Variants in MBOAT2 observed in about 807,000 individuals in gnomAD.
MBOAT2 encodes the protein membrane bound glycerophospholipid O-acyltransferase 2.
Under a neutral mutation model 63.4 loss-of-function variants are expected in MBOAT2, and 28 were observed. That is an observed-to-expected ratio of 0.44 (90% CI 0.33 to 0.61). The LOEUF (loss-of-function observed/expected upper bound fraction) is 0.61. MBOAT2 is among the 20% of genes least tolerant of loss of function. The pLI is 0.03. For synonymous variants in MBOAT2, 211 were observed against 215.6 expected (o/e 0.98, Z 0.19); for missense variants, 470 against 605.8 (o/e 0.78, Z 2.35).
intron 6 of MBOAT2, 70 bp downstream of exon 6, chr2:8,882,441 C>A: frequency 2.0e-6 from 3 of 1,479,250 alleles, no homozygotes; most frequent in Non-Finnish European, 1.9e-6. Flanking sequence ...TCAGCCTCAG[C>A]CACAGAAGGA....
chr2:8,872,314 G>C (rs1183628787), intron 8 of MBOAT2, among the ~76,000 whole-genome samples: 1 of 152,146 alleles, frequency 6.6e-6, no homozygotes, highest in Non-Finnish European at 1.5e-5. Flanking sequence ...ACCTCACTCT[G>C]TCGCTCAGGC....
chr2:8,875,308 A>T (rs1662627702), intron 7 of MBOAT2, among the ~76,000 whole-genome samples: 1 of 152,250 alleles, frequency 6.6e-6, no homozygotes, highest in Non-Finnish European at 1.5e-5. Flanking sequence ...GGGAAAATAC[A>T]TGAAGAATAT....
chr2:8,973,065 C>T (rs1477275333), intron 1 of MBOAT2, among the ~76,000 whole-genome samples: 14 of 152,144 alleles, frequency 9.2e-5, no homozygotes, highest in African/African-American at 2.9e-4. Flanking sequence ...AAGATAAATG[C>T]ACACATATTT....
intron 2 of MBOAT2, among the ~76,000 whole-genome samples, chr2:8,955,102 T>C (rs887817543): frequency 1.1e-4 from 16 of 152,306 alleles, no homozygotes; most frequent in African/African-American, 3.6e-4. Flanking sequence ...TGGAGGCCCC[T>C]ACCCCACTCC....
chr2:8,900,312 T>A (rs377697108), intron 4 of MBOAT2, among the ~76,000 whole-genome samples: 3 of 152,130 alleles, frequency 2.0e-5, no homozygotes, highest in Non-Finnish European at 4.4e-5. Context: ...TCTCCAAACT[T>A]TGGGGCTGCA....
Position 8,857,839 on chromosome 2 carries a change from C to G in MBOAT2, c.*840G>C, listed in dbSNP as rs761474030. 20 of 152,362 alleles carry G rather than the reference C, an allele frequency of 1.3e-4. No individual in the cohort carries two copies. The highest frequency in any genetic ancestry group is 2.5e-4 in the Non-Finnish European group (17 of 68,032). 9.4% of individuals were successfully genotyped at this position (152,362 alleles called of 1,614,324 possible). A position where few individuals can be genotyped will look rare whatever the true frequency, so the allele number is the denominator to read the frequency against. On this transcript the variant is annotated 3_prime_UTR_variant, in exon 13 of 13. Coordinates refer to ENST00000305997, the MANE Select transcript of MBOAT2 (RefSeq NM_138799.4). ...CCTGGCATGGGGGGGAAGCTGCCTG[C>G]AGAGTCGCGGCTGTGCCCCGTGCAT...
At chr2:8,966,906 G>C (rs115690347) in intron 1 of MBOAT2, among the ~76,000 whole-genome samples, 331 of 152,322 alleles carry the variant, frequency 2.2e-3, no homozygotes, top group African/African-American at 7.5e-3. Context: ...TCAATACAAT[G>C]TTGTTCATAA....
At chr2:8,873,685 T>G (rs1662509113) in intron 7 of MBOAT2, among the ~76,000 whole-genome samples, 1 of 152,276 alleles carries the variant, frequency 6.6e-6, no homozygotes, top group South Asian at 2.1e-4. Flanking sequence ...TTTTCCATTG[T>G]GTCTTTTCTG....
intron 1 of MBOAT2, among the ~76,000 whole-genome samples, chr2:8,963,323 G>A (rs1304992156): frequency 6.6e-6 from 1 of 151,186 alleles, no homozygotes; most frequent in Non-Finnish European, 1.5e-5. Context: ...TTTTTTCTTT[G>A]AGACAATTTT....
intron 3 of MBOAT2, among the ~76,000 whole-genome samples, chr2:8,930,719 TGGGGGGA>T (rs1667256912): frequency 5.6e-5 from 1 of 17,816 alleles, no homozygotes. Context: ...TGTTGTGGGG[TGGGGGGA>T]GGGGGGAGGG....
At chr2:8,977,322 A>T (rs1432964035) in intron 1 of MBOAT2, among the ~76,000 whole-genome samples, 1 of 152,132 alleles carries the variant, frequency 6.6e-6, no homozygotes, top group Non-Finnish European at 1.5e-5. Context: ...AGGGTATTTC[A>T]TTGAAGTTAC....
At chr2:8,896,651 A>C (rs1054613135) in intron 4 of MBOAT2, among the ~76,000 whole-genome samples, 23 of 152,176 alleles carry the variant, frequency 1.5e-4, no homozygotes, top group Non-Finnish European at 2.9e-4. Context: ...ATTAACTTAA[A>C]ATTGGTATAG....
chr2:8,898,119 G>A (rs1664624266), intron 4 of MBOAT2, among the ~76,000 whole-genome samples: 1 of 152,208 alleles, frequency 6.6e-6, no homozygotes, highest in African/African-American at 2.4e-5. Flanking sequence ...ACGAGTCTGA[G>A]TAAGGACTCC....
At chr2:8,897,792 A>C (rs1449449949) in intron 4 of MBOAT2, among the ~76,000 whole-genome samples, 1 of 152,188 alleles carries the variant, frequency 6.6e-6, no homozygotes, top group Non-Finnish European at 1.5e-5. Context: ...GTCATGCTCG[A>C]TTGGTTCCCC....
chr2:8,873,259 C>G lies in MBOAT2; in HGVS notation c.732G>C (p.Leu244Phe), dbSNP rs943818831. 4 of 1,614,146 alleles carry G rather than the reference C, an allele frequency of 2.5e-6. No individual in the cohort carries two copies. The highest frequency in any genetic ancestry group is 3.4e-6 in the Non-Finnish European group (4 of 1,179,990). Residue 244 changes from leucine (L) to phenylalanine (F), a missense_variant, in exon 8 of 13, where the codon TTG (leucine) becomes TTC (phenylalanine). Physicochemically the swap from Leu to Phe is conservative, Grantham distance 22. Transcript: ENST00000305997. Reference sequence around the variant, plus strand: ...TTGTACAGATGGTCAAGTGAAATAACAAGGACAGCCCACAAACTAAGAGCT... The same window carrying G: ...TTGTACAGATGGTCAAGTGAAATAAGAAGGACAGCCCACAAACTAAGAGCT... ...VQKLLVCGLSLLFHLTICTTL... is the reference protein window; with the variant it reads ...VQKLLVCGLSFLFHLTICTTL...
At chr2:8,939,249 A>T (rs561997368) in intron 3 of MBOAT2, among the ~76,000 whole-genome samples, 2 of 152,228 alleles carry the variant, frequency 1.3e-5, no homozygotes, top group Non-Finnish European at 2.9e-5. Context: ...GCACTCTGGC[A>T]CAGCCACTTG....
At chr2:8,933,302 T>G (rs963765857) in intron 3 of MBOAT2, among the ~76,000 whole-genome samples, 3 of 152,216 alleles carry the variant, frequency 2.0e-5, no homozygotes, top group African/African-American at 7.2e-5. Context: ...ATAATTATTT[T>G]CAAGATCAGA....
intron 4 of MBOAT2, among the ~76,000 whole-genome samples, chr2:8,890,379 TG>T (rs764398472): frequency 1.1e-4 from 17 of 152,212 alleles, no homozygotes; most frequent in Non-Finnish European, 1.9e-4. Flanking sequence ...CATTCATAGT[TG>T]TTTTTTTTAT....
At chr2:8,934,084 T>C (rs1484835126) in intron 3 of MBOAT2, among the ~76,000 whole-genome samples, 5 of 152,330 alleles carry the variant, frequency 3.3e-5, no homozygotes, top group Middle Eastern at 3.4e-3. Flanking sequence ...CTTTCAGAAA[T>C]CCAACAGGAC....
Sources: allele counts gnomAD v4.1 joint callset (sites outside exome capture counted in the v4.1 genomes callset), GRCh38; gene constraint gnomAD v4.1.1; transcripts MANE v1.5; gene names NCBI Gene and HGNC (gene_info 2026-07-23, HGNC 2026-07-21).